SPAG16: variants seen among roughly 807,000 people sequenced by gnomAD.
SPAG16 encodes sperm-associated antigen 16 protein.
A neutral mutation model predicts 80.4 loss-of-function variants in SPAG16; 86 were observed. That is an observed-to-expected ratio of 1.07 (90% CI 0.90 to 1.28). The LOEUF (loss-of-function observed/expected upper bound fraction) is 1.28. Ranked by LOEUF, SPAG16 falls within the 50% of genes most tolerant of loss-of-function variation. The pLI is 0.00. For synonymous variants in SPAG16, 294 were observed against 265.9 expected, an observed-to-expected ratio of 1.11 and a Z score of -1.03; for missense variants, 870 against 765.3, an observed-to-expected ratio of 1.14 and a Z score of -1.61.
intron 10 of SPAG16, among the ~76,000 whole-genome samples, chr2:213,537,347 A>C (rs2076287603): frequency 6.6e-6 from 1 of 152,096 alleles, no homozygotes; most frequent in East Asian, 1.9e-4. Context: ...AAAAAAAAGC[A>C]ACCTATCATA....
intron 12 of SPAG16, among the ~76,000 whole-genome samples, chr2:214,008,759 A>T (rs2047150195): frequency 6.6e-6 from 1 of 151,954 alleles, no homozygotes. Context: ...AAAAAAAAAA[A>T]ATACATGCTA....
At chr2:214,038,969 T>C (rs1289541762) in intron 13 of SPAG16, among the ~76,000 whole-genome samples, 1 of 152,178 alleles carries the variant, frequency 6.6e-6, no homozygotes, top group African/African-American at 2.4e-5. Context: ...TGGTTCCAAG[T>C]CTTTGCTATT....
At chr2:213,304,750 G>C (rs1333445820) in intron 3 of SPAG16, among the ~76,000 whole-genome samples, 3 of 152,042 alleles carry the variant, frequency 2.0e-5, no homozygotes, top group Non-Finnish European at 2.9e-5. Context: ...TTTTATACTA[G>C]TACCATACTG....
chr2:213,790,985 C>T (rs1038449493), intron 10 of SPAG16, among the ~76,000 whole-genome samples: 2 of 152,018 alleles, frequency 1.3e-5, no homozygotes, highest in African/African-American at 4.8e-5. Flanking sequence ...ATGAAAATAG[C>T]ACATAAGTAT....
intron 15 of SPAG16, among the ~76,000 whole-genome samples, chr2:214,268,752 TGTGTGTGTGG>T (rs1299186792): frequency 6.6e-6 from 1 of 151,686 alleles, no homozygotes; most frequent in African/African-American, 2.4e-5. Context: ...AGGGTGTGTG[TGTGTGTGTGG>T]GTGTGTATGT....
At chr2:213,456,585 T>C (rs1383701645) in intron 9 of SPAG16, among the ~76,000 whole-genome samples, 2 of 152,180 alleles carry the variant, frequency 1.3e-5, no homozygotes, top group East Asian at 3.8e-4. Context: ...TATTTTTTAT[T>C]TCTTAAATAA....
intron 13 of SPAG16, among the ~76,000 whole-genome samples, chr2:214,044,836 T>G (rs2049226247): frequency 6.6e-6 from 1 of 152,198 alleles, no homozygotes; most frequent in Admixed American, 6.5e-5. Flanking sequence ...TTGGAGGAAG[T>G]GTTTAAACCA....
At chr2:214,346,053 A>T (rs984303469) in intron 15 of SPAG16, among the ~76,000 whole-genome samples, 7 of 152,170 alleles carry the variant, frequency 4.6e-5, no homozygotes, top group African/African-American at 1.7e-4. Context: ...GCTGGGTTAT[A>T]ATTAGGTGTG....
At chr2:213,360,165 A>G (rs576287564) in intron 7 of SPAG16, among the ~76,000 whole-genome samples, 21 of 152,212 alleles carry the variant, frequency 1.4e-4, no homozygotes, top group South Asian at 6.2e-4. Flanking sequence ...GCTAATACTG[A>G]ATACTTGATA....
intron 13 of SPAG16, among the ~76,000 whole-genome samples, chr2:214,045,910 G>C (rs956082262): frequency 1.3e-5 from 2 of 151,712 alleles, no homozygotes; most frequent in Non-Finnish European, 2.9e-5. Context: ...AAGATCAATG[G>C]AACAAAAAGA....
intron 10 of SPAG16, among the ~76,000 whole-genome samples, chr2:213,532,650 A>T (rs1291537284): frequency 6.6e-6 from 1 of 151,386 alleles, no homozygotes; most frequent in Non-Finnish European, 1.5e-5. Flanking sequence ...TTTAGTAGAG[A>T]TGTGGTTTCA....
At chr2:213,291,682 T>C (rs1339924795) in intron 1 of SPAG16, among the ~76,000 whole-genome samples, 2 of 152,206 alleles carry the variant, frequency 1.3e-5, no homozygotes, top group Non-Finnish European at 2.9e-5. Flanking sequence ...ACCTAGGATA[T>C]TGGTAAAAAA....
At chr2:213,580,094 C>G (rs2060253880) in intron 10 of SPAG16, among the ~76,000 whole-genome samples, 1 of 152,000 alleles carries the variant, frequency 6.6e-6, no homozygotes, top group Non-Finnish European at 1.5e-5. Flanking sequence ...TCTAGCTGAC[C>G]TTTCCCTGAA....
intron 15 of SPAG16, among the ~76,000 whole-genome samples, chr2:214,328,774 A>T (rs1288501978): frequency 6.6e-6 from 1 of 152,200 alleles, no homozygotes; most frequent in Non-Finnish European, 1.5e-5. Flanking sequence ...TTTGGTTGAC[A>T]TATTCTCTTC....
rs1009296650 is a variant in SPAG16, at chr2:213,718,187, G to T, written c.1071-144298G>T. 2.7e-5 allele frequency among the ~76,000 whole-genome samples: 4 copies of T among 148,658 alleles called. No homozygotes were observed. In the East Asian group the frequency reaches 5.8e-4, roughly 22 times the overall value. ...AAAAAAAAGAAAACCACCAAATAGT[G>T]GGCAAAGGATATGAACAGACACTTC... is the stretch of plus-strand genomic sequence containing the variant. On this transcript the variant is annotated intron_variant, in intron 10 of 15. Transcript: ENST00000331683.
At chr2:213,778,383 G>T in intron 10 of SPAG16, among the ~76,000 whole-genome samples, 1 of 152,098 alleles carries the variant, frequency 6.6e-6, no homozygotes, top group East Asian at 1.9e-4. Context: ...TTAAAAAATA[G>T]ACTTAATTAC....
At chr2:213,716,315 A>G (rs772365828) in intron 10 of SPAG16, among the ~76,000 whole-genome samples, 48 of 152,328 alleles carry the variant, frequency 3.2e-4, no homozygotes, top group Non-Finnish European at 2.8e-4. Context: ...TTGAAATGTT[A>G]AACAGCTGAT....
intron 10 of SPAG16, among the ~76,000 whole-genome samples, chr2:213,609,665 C>T (rs544203107): frequency 7.9e-5 from 12 of 152,262 alleles, no homozygotes; most frequent in African/African-American, 2.6e-4. Context: ...GCATTTTCTG[C>T]CCATCTCCCC....
chr2:213,457,305 G>C (rs1027077812), intron 9 of SPAG16, among the ~76,000 whole-genome samples: 2 of 152,102 alleles, frequency 1.3e-5, no homozygotes, highest in African/African-American at 4.8e-5. Context: ...TTTAGAGTAG[G>C]GTGGAGACAT....
Sources: allele counts gnomAD v4.1 joint callset (sites outside exome capture counted in the v4.1 genomes callset), GRCh38; gene constraint gnomAD v4.1.1; transcripts MANE v1.5; gene names NCBI Gene and HGNC (gene_info 2026-07-23, HGNC 2026-07-21).